Variants in KDM4B observed in about 807,000 individuals in gnomAD.
KDM4B encodes lysine demethylase 4B.
A neutral mutation model predicts 125.2 loss-of-function variants in KDM4B; 32 were observed. The observed-to-expected ratio is 0.26, with a 90% CI of 0.19 to 0.34. KDM4B has a LOEUF of 0.34. Among genes scored for constraint, KDM4B ranks in the 10% least tolerant of loss-of-function variants. The pLI is 1.00. For synonymous variants in KDM4B, 721 were observed against 677.9 expected, an observed-to-expected ratio of 1.06 and a Z score of -0.99; for missense variants, 1,190 against 1,577.7, an observed-to-expected ratio of 0.75 and a Z score of 4.16.
chr19:5,138,111 A>G, intron 18 of KDM4B, 41 bp downstream of exon 18: 2 of 1,501,962 alleles, frequency 1.3e-6, no homozygotes, highest in African/African-American at 1.4e-5. Context: ...CCGTGCCTCT[A>G]GGGCTGCCGG....
At chr19:5,062,684 C>T (rs2037641233) in intron 6 of KDM4B, among the ~76,000 whole-genome samples, 1 of 151,694 alleles carries the variant, frequency 6.6e-6, no homozygotes, top group South Asian at 2.1e-4. Flanking sequence ...AAAATTCTGC[C>T]ACCTTGCTGG....
At chr19:4,987,544 G>A (rs372126714) in intron 1 of KDM4B, among the ~76,000 whole-genome samples, 1 of 152,158 alleles carries the variant, frequency 6.6e-6, no homozygotes, top group African/African-American at 2.4e-5. Flanking sequence ...TTTCTGGCTG[G>A]AGATGCTATT....
intron 9 of KDM4B, among the ~76,000 whole-genome samples, chr19:5,106,558 C>T (rs943556153): frequency 2.6e-5 from 4 of 152,194 alleles, no homozygotes; most frequent in Non-Finnish European, 5.9e-5. Flanking sequence ...AGCAGCCACC[C>T]GGCAGCCACC....
At chr19:5,055,048 G>A (rs375023601) in intron 6 of KDM4B, among the ~76,000 whole-genome samples, 1 of 152,392 alleles carries the variant, frequency 6.6e-6, no homozygotes, top group South Asian at 2.1e-4. Flanking sequence ...TGCGCCTGGC[G>A]TGTGGGGCAC....
chr19:5,019,955 CA>C (rs2036049534), intron 2 of KDM4B, among the ~76,000 whole-genome samples: 1 of 73,778 alleles, frequency 1.4e-5, no homozygotes, highest in Non-Finnish European at 2.6e-5. Context: ...TGTTAGTGTG[CA>C]GGTGTTAGTG....
chr19:5,055,467 T>C (rs1478041426), intron 6 of KDM4B, among the ~76,000 whole-genome samples: 1 of 152,190 alleles, frequency 6.6e-6, no homozygotes. Flanking sequence ...GGTGTTTGGA[T>C]GGTCGATTGC....
intron 11 of KDM4B, among the ~76,000 whole-genome samples, chr19:5,125,921 T>G (rs2039441538): frequency 6.6e-6 from 1 of 152,172 alleles, no homozygotes; most frequent in Non-Finnish European, 1.5e-5. Context: ...GACGAGAGGT[T>G]TATCTCGAGA....
intron 21 of KDM4B, among the ~76,000 whole-genome samples, chr19:5,146,004 C>G (rs1428471283): frequency 2.0e-5 from 3 of 152,218 alleles, no homozygotes; most frequent in African/African-American, 7.2e-5. Context: ...CTGAAATGAT[C>G]GAGTGTCACT....
At chr19:5,028,213 G>C (rs1206957265) in intron 2 of KDM4B, among the ~76,000 whole-genome samples, 2 of 152,150 alleles carry the variant, frequency 1.3e-5, no homozygotes, top group African/African-American at 4.8e-5. Context: ...CTGGGCTAGA[G>C]CACCCCTCCC....
At chr19:5,121,007 T>G (rs2039350563) in intron 11 of KDM4B, among the ~76,000 whole-genome samples, 1 of 152,180 alleles carries the variant, frequency 6.6e-6, no homozygotes, top group Admixed American at 6.5e-5. Flanking sequence ...AATATTGTCC[T>G]TGGAACATGG....
chr19:5,018,212 A>T (rs942635630), intron 2 of KDM4B, among the ~76,000 whole-genome samples: 35 of 151,790 alleles, frequency 2.3e-4, no homozygotes, highest in African/African-American at 7.7e-4. Flanking sequence ...TAATTTTTTT[A>T]TTTTTTGTAG....
intron 1 of KDM4B, among the ~76,000 whole-genome samples, chr19:4,983,870 TG>T (rs1283376960): frequency 6.6e-6 from 1 of 152,172 alleles, no homozygotes; most frequent in Non-Finnish European, 1.5e-5. Context: ...CGTAGCCTGC[TG>T]GGCTCAGATC....
chr19:5,148,920 C>G (rs1204391340), intron 21 of KDM4B, among the ~76,000 whole-genome samples: 1 of 152,238 alleles, frequency 6.6e-6, no homozygotes, highest in Non-Finnish European at 1.5e-5. Context: ...TCCCAGCAGG[C>G]TCCTCCACAC....
chr19:5,105,070 G>A (rs1270726928), intron 9 of KDM4B, among the ~76,000 whole-genome samples: 2 of 152,164 alleles, frequency 1.3e-5, no homozygotes, highest in African/African-American at 4.8e-5. Flanking sequence ...GGTGCAAATG[G>A]CCCCGCTCCC....
chr19:4,995,195 C>A (rs572017309), intron 1 of KDM4B, among the ~76,000 whole-genome samples: 145 of 152,314 alleles, frequency 9.5e-4, no homozygotes, highest in African/African-American at 3.2e-3. Context: ...CCCCTGTCAT[C>A]CCTCTCCTTG....
chr19:5,065,423 A>G (rs1318712216), intron 6 of KDM4B, among the ~76,000 whole-genome samples: 3 of 152,246 alleles, frequency 2.0e-5, no homozygotes, highest in East Asian at 3.8e-4. Context: ...TAATAATTCT[A>G]AGCCATTAGA....
Position 5,148,432 on chromosome 19 carries a change from C to G in KDM4B, c.3022-1926C>G, listed in dbSNP as rs191805736. The stretch of plus-strand genomic sequence containing the variant: ...GCTCCTGAGAATCTGGGGCGGATCT[C>G]TGCAGTCTTCCTGACCCAGAAACCT... On this transcript the variant is annotated intron_variant, in intron 21 of 22. Coordinates refer to ENST00000159111, the MANE Select transcript of KDM4B (RefSeq NM_015015.3). 2.0e-5 allele frequency among the ~76,000 whole-genome samples: 3 copies of G among 152,342 alleles called. No individual in the cohort carries two copies. The South Asian group carries it at 6.2e-4, about 32-fold the overall frequency.
chr19:5,026,886 C>T (rs1484214602), intron 2 of KDM4B, among the ~76,000 whole-genome samples: 1 of 152,242 alleles, frequency 6.6e-6, no homozygotes, highest in Non-Finnish European at 1.5e-5. Context: ...CGCCCCCTTT[C>T]TGCAGCATTA....
At chr19:5,075,034 G>C (rs908592203) in intron 7 of KDM4B, 1 of 152,412 alleles carries the variant, frequency 6.6e-6, no homozygotes, top group Non-Finnish European at 1.5e-5. Context: ...AGCCGGGAGA[G>C]AGCCGGCAGC....
Sources: allele counts gnomAD v4.1 joint callset (sites outside exome capture counted in the v4.1 genomes callset), GRCh38; gene constraint gnomAD v4.1.1; transcripts MANE v1.5; gene names NCBI Gene and HGNC (gene_info 2026-07-23, HGNC 2026-07-21).